The following ARID1B variants were observed in gnomAD, a reference collection of about 807,000 sequenced individuals.
ARID1B encodes AT-rich interactive domain-containing protein 1B.
ARID1B carries 30 observed loss-of-function variants against 212.3 expected under a neutral mutation model. The observed-to-expected ratio is 0.14, with a 90% confidence interval of 0.11 to 0.19. The LOEUF is 0.19. ARID1B is among the 10% of genes least tolerant of loss of function. The pLI, the probability that ARID1B is intolerant of heterozygous loss-of-function variation, is 1.00. For synonymous variants in ARID1B, 1,402 were observed against 1,301.7 expected (o/e 1.08, Z -1.66); for missense variants, 2,891 against 3,204.0 (o/e 0.90, Z 2.36).
chr6:157,169,044 C>G (rs1330001299), intron 9 of ARID1B: 1 of 152,180 alleles, frequency 6.6e-6, no homozygotes, highest in African/African-American at 2.4e-5. Context: ...TCTGATCTCT[C>G]AGAGAGACAG....
chr6:156,801,854 T>C (rs1294100671), intron 1 of ARID1B, among the ~76,000 whole-genome samples: 1 of 152,226 alleles, frequency 6.6e-6, no homozygotes, highest in Admixed American at 6.5e-5. Flanking sequence ...GTGTTGCAGT[T>C]TGAACTTTAA....
At chr6:156,897,215 G>GCTT (rs1297724982) in intron 2 of ARID1B, among the ~76,000 whole-genome samples, 300 of 75,852 alleles carry the variant, frequency 4.0e-3, no homozygotes, top group Non-Finnish European at 6.1e-3. Context: ...TGCTGCTGCT[G>GCTT]CTGCTTCTTC....
chr6:157,055,734 A>G (rs1452000373), intron 4 of ARID1B, among the ~76,000 whole-genome samples: 1 of 152,066 alleles, frequency 6.6e-6, no homozygotes, highest in East Asian at 1.9e-4. Context: ...TGGGTCCTCT[A>G]CTCAGGATCT....
chr6:156,976,701 T>C, intron 4 of ARID1B: 1 of 402,792 alleles, frequency 2.5e-6, no homozygotes, highest in Non-Finnish European at 4.8e-6. Flanking sequence ...CTGCTCACTC[T>C]CCTGGTCCGT....
Position 157,174,876 on chromosome 6 carries a change from G to T in ARID1B, c.3375G>T (p.Gln1125His). The T allele has an allele frequency of 6.5e-7, 1 of 1,547,538 alleles. No homozygotes were observed. Among genetic ancestry groups the T allele is most frequent in the Non-Finnish European group, 8.7e-7 (1 of 1,147,048 alleles). The change falls in exon 11 of 20, where the codon CAG becomes CAT. Residue 1125 changes from glutamine to histidine, a missense_variant. By Grantham distance (24) the Gln-to-His change is conservative. Transcript: ENST00000636930. Reference protein sequence around the residue: ...KDSYSSQGISQPPTPGNLPVP... With the variant: ...KDSYSSQGISHPPTPGNLPVP... ...GCTACAGCTCTCAGGGTATTTCTCA[G>T]CCCCCAACCCCAGGCAACCTGCCAG...
intron 4 of ARID1B, among the ~76,000 whole-genome samples, chr6:157,003,425 A>G (rs533193548): frequency 1.1e-4 from 17 of 152,302 alleles, no homozygotes; most frequent in Non-Finnish European, 2.9e-5. Flanking sequence ...AATTATAGAC[A>G]TTTGTGATTG....
At chr6:156,900,920 T>C (rs1325602912) in intron 2 of ARID1B, among the ~76,000 whole-genome samples, 2 of 152,260 alleles carry the variant, frequency 1.3e-5, no homozygotes, top group Non-Finnish European at 2.9e-5. Context: ...ATTCTGACTT[T>C]TTCATTCTGA....
In ARID1B at chr6:156,777,890, T is replaced by C; in HGVS notation, c.210T>C (p.Ser70=). 1 of 1,476,516 alleles carries C rather than the reference T, an allele frequency of 6.8e-7. No homozygotes were observed. The highest frequency in any genetic ancestry group is 8.9e-7 in the Non-Finnish European group (1 of 1,122,998). 91.5% of individuals were successfully genotyped at this position (1,476,516 alleles called of 1,614,324 possible). Residue 70 remains serine (S), a synonymous_variant, in exon 1 of 20, where the codon AGT becomes AGC. Transcript: ENST00000636930. The part of the protein sequence containing the change: ...GGGDGGGGLN[S]VHHHPLLPRH... ...GCGACGGCGGCGGCGGCCTGAACAG[T>C]GTGCACCACCACCCCCTGCTCCCCC... is the stretch of plus-strand genomic sequence containing the variant.
rs1271065501 is a variant in ARID1B, at chr6:156,829,278, G to A, written c.1843G>A (p.Gly615Ser). Residue 615 changes from glycine to serine, a missense_variant, in exon 2 of 20, where the codon GGC (glycine) becomes AGC (serine). Gly to Ser is a moderately conservative substitution (Grantham distance 56). Coordinates refer to ENST00000636930, the MANE Select transcript of ARID1B (RefSeq NM_001374828.1). ...GAAGAGACCTCAGTTGTATGGCATG[G>A]GCAGTAACCCTCATTCTCAGCCTCA... ...VMKRPQLYGM[G>S]SNPHSQPQQS... The A allele has an allele frequency of 6.2e-7, 1 of 1,614,180 alleles. No individual in the cohort carries two copies. Among genetic ancestry groups the A allele is most frequent in the African/African-American group, 1.3e-5 (1 of 75,034 alleles).
chr6:157,120,700 CAT>C (rs1787650133), intron 6 of ARID1B, among the ~76,000 whole-genome samples: 1 of 152,188 alleles, frequency 6.6e-6, no homozygotes, highest in African/African-American at 2.4e-5. Flanking sequence ...GGCACACACA[CAT>C]GGCAAAGCAG....
At chr6:156,810,899 C>A (rs1037941974) in intron 1 of ARID1B, among the ~76,000 whole-genome samples, 1 of 152,166 alleles carries the variant, frequency 6.6e-6, no homozygotes. Flanking sequence ...CTTAAAAGAA[C>A]ACACATCGAT....
intron 4 of ARID1B, among the ~76,000 whole-genome samples, chr6:157,043,361 C>G (rs1017778543): frequency 2.0e-5 from 3 of 152,178 alleles, no homozygotes; most frequent in Non-Finnish European, 4.4e-5. Context: ...TGGGCGCCTT[C>G]TGAGCACCAT....
At chr6:156,840,782 C>CAGTG (rs138512929) in intron 2 of ARID1B, among the ~76,000 whole-genome samples, 1 of 69,132 alleles carries the variant, frequency 1.4e-5, no homozygotes, top group African/African-American at 5.8e-5. Context: ...TGCTGTCTTG[C>CAGTG]TGTGTCATGT....
intron 12 of ARID1B, among the ~76,000 whole-genome samples, chr6:157,183,654 C>T (rs968540525): frequency 1.3e-5 from 2 of 152,202 alleles, no homozygotes; most frequent in Admixed American, 6.5e-5. Context: ...AAGAGCACCG[C>T]ACAGGAAGGT....
At chr6:156,816,135 GA>G (rs1781946971) in intron 1 of ARID1B, among the ~76,000 whole-genome samples, 1 of 152,190 alleles carries the variant, frequency 6.6e-6, no homozygotes, top group Non-Finnish European at 1.5e-5. Context: ...TTATAGTATG[GA>G]AATTAAAAAA....
intron 1 of ARID1B, 183 bp downstream of exon 1, chr6:156,779,654 G>A: frequency 2.2e-6 from 1 of 463,518 alleles, no homozygotes; most frequent in Non-Finnish European, 3.0e-6. Context: ...GGGGGCCGGC[G>A]CGCTGTCCAG....
At chr6:156,957,223 C>T (rs1379914460) in intron 4 of ARID1B, among the ~76,000 whole-genome samples, 2 of 152,214 alleles carry the variant, frequency 1.3e-5, no homozygotes, top group Non-Finnish European at 2.9e-5. Context: ...TGCTGATTTA[C>T]AAGTGACAGA....
chr6:156,949,838 C>T (rs549449804), intron 4 of ARID1B, among the ~76,000 whole-genome samples: 75 of 152,264 alleles, frequency 4.9e-4, no homozygotes, highest in African/African-American at 7.9e-4. Context: ...CCCAGTATTA[C>T]GCTGCCATTT....
intron 6 of ARID1B, among the ~76,000 whole-genome samples, chr6:157,112,246 A>G (rs531990827): frequency 6.6e-6 from 1 of 152,344 alleles, no homozygotes; most frequent in South Asian, 2.1e-4. Context: ...CTTTTATCCC[A>G]TATCATCTCT....
Sources: allele counts gnomAD v4.1 joint callset (sites outside exome capture counted in the v4.1 genomes callset), GRCh38; gene constraint gnomAD v4.1.1; transcripts MANE v1.5; gene names NCBI Gene and HGNC (gene_info 2026-07-23, HGNC 2026-07-21).